The following ARCN1 variants were observed in gnomAD, a reference collection of about 807,000 sequenced individuals.
ARCN1 encodes the protein coatomer subunit delta.
ARCN1 carries 5 observed loss-of-function variants against 60.4 expected under a neutral mutation model. The observed-to-expected ratio is 0.08, with a 90% confidence interval of 0.04 to 0.17. The LOEUF is 0.17. Among genes scored for constraint, ARCN1 ranks in the 10% least tolerant of loss-of-function variants. ARCN1 has a pLI of 1.00. For synonymous variants in ARCN1, 224 were observed against 220.0 expected, an observed-to-expected ratio of 1.02 and a Z score of -0.16; for missense variants, 464 against 626.5, an observed-to-expected ratio of 0.74 and a Z score of 2.77.
Position 118,601,680 on chromosome 11 carries a change from A to T in ARCN1, c.*966A>T, listed in dbSNP as rs1555078170. 4.3e-6 allele frequency: 3 copies of T among 702,898 alleles called. No homozygotes were observed. Among genetic ancestry groups the T allele is most frequent in the Non-Finnish European group, 7.8e-6 (3 of 384,968 alleles). The allele number at this position is 702,898 out of a possible 1,614,324, so 43.5% of individuals were successfully genotyped here. A position where few individuals can be genotyped will look rare whatever the true frequency, so the allele number is the denominator to read the frequency against. ...TTTTCCCGTATCAATTCATTCCTTC[A>T]TCTCTTTGCCAAGTTGTTTTCCTTT... On this transcript the variant is annotated 3_prime_UTR_variant, in exon 10 of 10. Transcript: ENST00000264028.
rs1938366919 is a variant in ARCN1 at position 118,572,503 on chromosome 11, C to T, written c.-45C>T. 1.2e-6 allele frequency: 2 copies of T among 1,609,976 alleles called. No individual in the cohort carries two copies. Among genetic ancestry groups the T allele is most frequent in the Non-Finnish European group, 1.7e-6 (2 of 1,178,256 alleles). On this transcript the variant is annotated 5_prime_UTR_variant, in exon 1 of 10. Coordinates refer to ENST00000264028, the MANE Select transcript of ARCN1 (RefSeq NM_001655.5). ...CCGTTCCCCAGACCCTACCCCTATC[C>T]CCAGTGGAGCCGGAGTGCGGGCGCG... is the stretch of plus-strand genomic sequence containing the variant.
At chr11:118,585,981 G>GGT (rs1309571752) in intron 5 of ARCN1, among the ~76,000 whole-genome samples, 1 of 152,200 alleles carries the variant, frequency 6.6e-6, no homozygotes, top group Non-Finnish European at 1.5e-5. Flanking sequence ...TCGTCTTGAA[G>GGT]CCAGACCTTC....
At chr11:118,588,775 C>G (rs1030925309) in intron 5 of ARCN1, among the ~76,000 whole-genome samples, 8 of 151,612 alleles carry the variant, frequency 5.3e-5, no homozygotes, top group African/African-American at 1.9e-4. Context: ...CCCAACACTT[C>G]GGGAGGCCGA....
intron 8 of ARCN1, among the ~76,000 whole-genome samples, chr11:118,596,633 T>A (rs1335807165): frequency 6.6e-6 from 1 of 152,196 alleles, no homozygotes; most frequent in Non-Finnish European, 1.5e-5. Context: ...AATATAAACA[T>A]TGAGTGTCAC....
At chr11:118,597,021 G>A (rs1012457601) in intron 8 of ARCN1, among the ~76,000 whole-genome samples, 4 of 152,114 alleles carry the variant, frequency 2.6e-5, no homozygotes, top group Admixed American at 6.5e-5. Flanking sequence ...ATCCTGGCCC[G>A]CATGGTGAAA....
In ARCN1 at chr11:118,601,819, G is replaced by C. The variant is rs1939154808; in HGVS notation, c.*1105G>C. Reference sequence around the variant, plus strand: ...CAGTCCCTCTTCAAGATGTCTAAAAGAATGGTTATGTCTGTCCAGTTAGGG... The same window carrying C: ...CAGTCCCTCTTCAAGATGTCTAAAACAATGGTTATGTCTGTCCAGTTAGGG... On this transcript the variant is annotated 3_prime_UTR_variant, in exon 10 of 10. Transcript: ENST00000264028. 2 of 681,746 alleles carry C rather than the reference G, an allele frequency of 2.9e-6. No homozygotes were observed. Among genetic ancestry groups the C allele is most frequent in the East Asian group, 5.4e-5 (2 of 36,916 alleles). The allele number at this position is 681,746 out of a possible 1,614,324, so 42.2% of individuals were successfully genotyped here. A position where few individuals can be genotyped will look rare whatever the true frequency, so the allele number is the denominator to read the frequency against.
Position 118,600,772 on chromosome 11 carries a change from G to A in ARCN1, c.*58G>A, listed in dbSNP as rs1939130064. The A allele has an allele frequency of 1.7e-6, 2 of 1,206,782 alleles. No homozygotes were observed. The highest frequency in any genetic ancestry group is 2.4e-6 in the Non-Finnish European group (2 of 839,382). The allele number at this position is 1,206,782 out of a possible 1,614,324, so 74.8% of individuals were successfully genotyped here. A position where few individuals can be genotyped will look rare whatever the true frequency, so the allele number is the denominator to read the frequency against. ...TCAGATTAATAAAGAAGACGCCAAT[G>A]ATGGCTGAAGAGTTTTTCCCAGATT... On this transcript the variant is annotated 3_prime_UTR_variant, in exon 10 of 10. Coordinates refer to ENST00000264028, the MANE Select transcript of ARCN1 (RefSeq NM_001655.5).
At chr11:118,581,925 G>GACACACACACACACACACACACACACAC (rs1361432735) in intron 2 of ARCN1, among the ~76,000 whole-genome samples, 19 of 121,084 alleles carry the variant, frequency 1.6e-4, no homozygotes, top group Admixed American at 2.5e-4. Flanking sequence ...TCCAGAGACA[G>GACACACACACACACACACACACACACAC]ACAGACAGAC....
Position 118,580,595 on chromosome 11 carries a change from A to T in ARCN1, c.4-651A>T, listed in dbSNP as rs1938628470. Among the ~76,000 whole-genome samples, 3 of 152,294 alleles carry T rather than the reference A, an allele frequency of 2.0e-5. No homozygotes were observed. In the South Asian group the frequency reaches 6.2e-4, roughly 32 times the overall value. On this transcript the variant is annotated intron_variant, in intron 1 of 9. Transcript: ENST00000264028. ...TGATAGCATATTTTCACACCTAAAAAATTAGCAATAATTTTTAATATTATC... is the reference window on the plus strand; with the variant it reads ...TGATAGCATATTTTCACACCTAAAATATTAGCAATAATTTTTAATATTATC...
intron 1 of ARCN1, among the ~76,000 whole-genome samples, chr11:118,576,445 A>AAC (rs1555073659): frequency 1.3e-5 from 2 of 148,378 alleles, no homozygotes; most frequent in South Asian, 2.3e-4. Context: ...AAAAAAAAAA[A>AAC]AAAACCAAAA....
intron 5 of ARCN1, among the ~76,000 whole-genome samples, chr11:118,585,602 C>T (rs183935075): frequency 3.3e-5 from 5 of 152,028 alleles, no homozygotes; most frequent in Admixed American, 3.3e-4. Context: ...TACAGTGGTG[C>T]AATCTCAGCT....
intron 8 of ARCN1, chr11:118,594,163 G>T (rs1938975618): frequency 6.5e-6 from 1 of 154,096 alleles, no homozygotes; most frequent in South Asian, 2.0e-4. Context: ...TCACTGGCAC[G>T]ATCTCAGCTC....
chr11:118,596,280 A>T (rs1939023889), intron 8 of ARCN1, among the ~76,000 whole-genome samples: 1 of 152,124 alleles, frequency 6.6e-6, no homozygotes, highest in South Asian at 2.1e-4. Context: ...CTGTTGTAGG[A>T]CTTGGGTGTT....
intron 7 of ARCN1, 134 bp downstream of exon 7, chr11:118,592,990 G>A (rs1357142306): frequency 1.1e-5 from 9 of 848,306 alleles, no homozygotes; most frequent in Admixed American, 2.6e-5. Context: ...AAATGGACCT[G>A]GTGCTGCATT....
chr11:118,587,024 A>T (rs1938794668), intron 5 of ARCN1, among the ~76,000 whole-genome samples: 1 of 152,160 alleles, frequency 6.6e-6, no homozygotes, highest in African/African-American at 2.4e-5. Context: ...CTTGACTCTG[A>T]TGCCTTTGTT....
chr11:118,586,221 A>T (rs2135545434), intron 5 of ARCN1, among the ~76,000 whole-genome samples: 1 of 152,154 alleles, frequency 6.6e-6, no homozygotes, highest in East Asian at 1.9e-4. Flanking sequence ...TCAGCCTCCC[A>T]AGTGGCTGGG....
At chr11:118,593,451 G>A (rs923005413) in intron 7 of ARCN1, 139 bp from the exon 8 acceptor site, 75 of 393,804 alleles carry the variant, frequency 1.9e-4, no homozygotes, top group Middle Eastern at 6.8e-4. Context: ...GGCTGGTCTT[G>A]AACTCATGGC....
intron 8 of ARCN1, 122 bp from the exon 9 acceptor site, chr11:118,597,584 TC>T: frequency 1.1e-6 from 1 of 952,014 alleles, no homozygotes; most frequent in Non-Finnish European, 1.6e-6. Flanking sequence ...AGCCTTTTTT[TC>T]CCCTGAAATT....
At chr11:118,598,433 A>C (rs1392080035) in intron 9 of ARCN1, among the ~76,000 whole-genome samples, 1 of 151,854 alleles carries the variant, frequency 6.6e-6, no homozygotes, top group Non-Finnish European at 1.5e-5. Flanking sequence ...ATTCTGTTGC[A>C]AACTCTGTCC....
Sources: gnomAD v4.1 joint callset for allele counts (sites outside exome capture counted in the v4.1 genomes callset) on GRCh38, gnomAD v4.1.1 for gene constraint, MANE v1.5 for transcripts, NCBI Gene and HGNC (gene_info 2026-07-23, HGNC 2026-07-21) for gene names.